Variants in CSMD1 observed in about 807,000 individuals in gnomAD.
CSMD1 encodes the protein CUB and Sushi multiple domains 1.
A neutral mutation model predicts 417.5 loss-of-function variants in CSMD1; 213 were observed. That is an observed-to-expected ratio of 0.51 (90% CI 0.46 to 0.57). CSMD1 has a LOEUF of 0.57. Among genes scored for constraint, CSMD1 ranks in the 20% least tolerant of loss-of-function variants. CSMD1 has a pLI of 0.00. For synonymous variants in CSMD1, 2,862 were observed against 1,736.8 expected (o/e 1.65, Z -16.11); for missense variants, 6,923 against 4,529.7 (o/e 1.53, Z -15.17).
chr8:3,968,726 T>C (rs1270363823), intron 5 of CSMD1, among the ~76,000 whole-genome samples: 4 of 152,192 alleles, frequency 2.6e-5, no homozygotes, highest in African/African-American at 4.8e-5. Context: ...ATCTAATGTG[T>C]AAATAGCATT....
chr8:3,966,699 A>C (rs1409933203), intron 5 of CSMD1, among the ~76,000 whole-genome samples: 1 of 151,812 alleles, frequency 6.6e-6, no homozygotes, highest in Non-Finnish European at 1.5e-5. Context: ...AGCGTATGCC[A>C]TGCCTGGCAG....
At chr8:4,154,664 A>T (rs954551813) in intron 3 of CSMD1, among the ~76,000 whole-genome samples, 2 of 152,246 alleles carry the variant, frequency 1.3e-5, no homozygotes, top group Non-Finnish European at 2.9e-5. Context: ...CTAGTCCCTT[A>T]GTTGATAACC....
chr8:4,596,140 C>T (rs1362474765), intron 2 of CSMD1, among the ~76,000 whole-genome samples: 1 of 152,110 alleles, frequency 6.6e-6, no homozygotes, highest in African/African-American at 2.4e-5. Context: ...ATCTAAAAAA[C>T]TTGCTTCAGG....
At chr8:3,883,505 T>C (rs972569646) in intron 5 of CSMD1, among the ~76,000 whole-genome samples, 1 of 152,178 alleles carries the variant, frequency 6.6e-6, no homozygotes, top group African/African-American at 2.4e-5. Flanking sequence ...TTTTCACTGC[T>C]CCTTTAAATG....
At position 3,230,135 on chromosome 8, in the gene CSMD1, C is replaced by T. The variant is rs1798746097; in HGVS notation, c.4250G>A (p.Cys1417Tyr). ...REAGDTVTFQ[C>Y]DPGYQLQGQA... ...TCCTTGGAGCTGATAGCCAGGGTCACACTGGAATGTGACGGTGTCTCCAGC... is the reference window on the plus strand; with the variant it reads ...TCCTTGGAGCTGATAGCCAGGGTCATACTGGAATGTGACGGTGTCTCCAGC... The change falls in exon 27 of 70, where the codon TGT becomes TAT. Residue 1417 changes from cysteine (C) to tyrosine (Y), a missense_variant. Coordinates refer to ENST00000635120, the MANE Select transcript of CSMD1 (RefSeq NM_033225.6). 1 of 1,613,652 alleles carries T rather than the reference C, an allele frequency of 6.2e-7. No individual in the cohort carries two copies.
At chr8:4,860,531 A>C (rs1429938460) in intron 1 of CSMD1, among the ~76,000 whole-genome samples, 3 of 152,012 alleles carry the variant, frequency 2.0e-5, no homozygotes, top group Non-Finnish European at 4.4e-5. Flanking sequence ...GCCTCGCTGG[A>C]ACTTGAGCAG....
intron 5 of CSMD1, among the ~76,000 whole-genome samples, chr8:3,804,198 T>G (rs1170803628): frequency 1.1e-4 from 17 of 152,162 alleles, no homozygotes; most frequent in Non-Finnish European, 1.5e-5. Context: ...TCCAGAAGTG[T>G]TGGGATTACA....
intron 1 of CSMD1, among the ~76,000 whole-genome samples, chr8:4,967,099 A>T (rs894698341): frequency 4.6e-5 from 7 of 152,322 alleles, no homozygotes; most frequent in African/African-American, 9.6e-5. Context: ...GTCTGAGCAG[A>T]TAAATTTGTC....
At chr8:3,270,538 T>C (rs760268357) in intron 26 of CSMD1, among the ~76,000 whole-genome samples, 2 of 152,348 alleles carry the variant, frequency 1.3e-5, no homozygotes, top group Middle Eastern at 3.4e-3. Flanking sequence ...ATCAAAATTT[T>C]AAGTGATCAA....
At chr8:4,438,771 G>A (rs768721855) in intron 2 of CSMD1, among the ~76,000 whole-genome samples, 1 of 152,194 alleles carries the variant, frequency 6.6e-6, no homozygotes, top group Admixed American at 6.5e-5. Flanking sequence ...CATGTGCCCT[G>A]AATCACAAGT....
At chr8:4,964,502 C>CAAAAAA (rs10622416) in intron 1 of CSMD1, among the ~76,000 whole-genome samples, 1 of 105,974 alleles carries the variant, frequency 9.4e-6, no homozygotes, top group African/African-American at 3.8e-5. Context: ...ACCCTGTCTC[C>CAAAAAA]AAAAAAAAAA....
intron 3 of CSMD1, among the ~76,000 whole-genome samples, chr8:4,111,766 T>C (rs1801869811): frequency 6.6e-6 from 1 of 152,048 alleles, no homozygotes; most frequent in Non-Finnish European, 1.5e-5. Flanking sequence ...CTGGGAACTG[T>C]TGTGGGGCAT....
intron 23 of CSMD1, among the ~76,000 whole-genome samples, chr8:3,341,729 G>A (rs973433083): frequency 2.6e-5 from 4 of 152,182 alleles, no homozygotes; most frequent in Non-Finnish European, 2.9e-5. Flanking sequence ...AGAACTGGAA[G>A]AACGCCGTAG....
intron 2 of CSMD1, among the ~76,000 whole-genome samples, chr8:4,581,309 A>G (rs904078147): frequency 5.9e-5 from 9 of 152,206 alleles, no homozygotes; most frequent in Non-Finnish European, 1.2e-4. Context: ...AGAGGAAGTA[A>G]TGAATTATTT....
At chr8:3,414,714 T>C (rs963670661) in intron 12 of CSMD1, among the ~76,000 whole-genome samples, 1 of 152,210 alleles carries the variant, frequency 6.6e-6, no homozygotes, top group African/African-American at 2.4e-5. Flanking sequence ...ATCTCGTTAG[T>C]TCTTTCCCGG....
chr8:3,034,584 A>C, intron 50 of CSMD1, among the ~76,000 whole-genome samples: 1 of 152,278 alleles, frequency 6.6e-6, no homozygotes, highest in Middle Eastern at 3.4e-3. Context: ...TGTATGTATA[A>C]ATTTTAATAT....
At chr8:3,343,753 G>A (rs190416321) in intron 22 of CSMD1, among the ~76,000 whole-genome samples, 2 of 151,874 alleles carry the variant, frequency 1.3e-5, no homozygotes, top group Non-Finnish European at 2.9e-5. Flanking sequence ...ACATTTCCAG[G>A]TTTCATTATC....
At position 4,403,660 on chromosome 8, in the gene CSMD1, T is replaced by C. The variant is rs548400653; in HGVS notation, c.415+16293A>G. On this transcript the variant is annotated intron_variant, in intron 3 of 69. Transcript: ENST00000635120. ...GTCGGTGTTTATTTGTTTTCATCTC[T>C]CTAGAGTCTAACCCCTAGAGTAACC... 3.3e-5 allele frequency among the ~76,000 whole-genome samples: 5 copies of C among 152,284 alleles called. No individual in the cohort carries two copies. In the East Asian group the frequency reaches 9.7e-4, roughly 30 times the overall value.
intron 1 of CSMD1, among the ~76,000 whole-genome samples, chr8:4,912,024 T>C (rs1805710113): frequency 1.3e-5 from 2 of 149,346 alleles, no homozygotes; most frequent in African/African-American, 2.5e-5. Context: ...CTGTAACCTT[T>C]ATTAAAGGAA....
Sources: gnomAD v4.1 joint callset for allele counts (sites outside exome capture counted in the v4.1 genomes callset) on GRCh38, gnomAD v4.1.1 for gene constraint, MANE v1.5 for transcripts, NCBI Gene and HGNC (gene_info 2026-07-23, HGNC 2026-07-21) for gene names.